The following USP9Y variants were observed in gnomAD, a reference collection of about 807,000 sequenced individuals.
The protein encoded by USP9Y is ubiquitin carboxyl-terminal hydrolase 9Y.
USP9Y carries 41 observed loss-of-function variants against 53.1 expected under a neutral mutation model. The ratio of observed to expected loss-of-function variants is 0.77; its 90% CI spans 0.60 to 1.00. USP9Y has a LOEUF of 1.00. Ranked by LOEUF, USP9Y falls within the 50% of genes least tolerant of loss-of-function variation. The pLI, the probability that USP9Y is intolerant of heterozygous loss-of-function variation, is 0.00. For synonymous variants in USP9Y, 220 were observed against 173.7 expected (o/e 1.27, Z -2.09); for missense variants, 567 against 535.8 (o/e 1.06, Z -0.58).
At position 12,757,206 on chromosome Y, in the gene USP9Y, T is replaced by C; in HGVS notation, c.1437T>C (p.Asn479=). The change falls in exon 13 of 46, where the codon AAT becomes AAC. Residue 479 remains asparagine, a synonymous_variant. Transcript: ENST00000338981. ...ACTTTCTTTAGGCAAGTTGGACAAA[T>C]GCAAGTAAAAAGCAACGTGAAAAGC... ...LFDCFKASWT[N]ASKKQREKLL... The C allele has an allele frequency of 2.3e-5, 9 of 398,763 alleles. No homozygotes were observed. Among genetic ancestry groups the C allele is most frequent in the Non-Finnish European group, 3.2e-5 (9 of 283,441 alleles).
chrY:12,810,872 T>C, intron 29 of USP9Y, 54 bp downstream of exon 29: 4 of 340,761 alleles, frequency 1.2e-5, no homozygotes, highest in Non-Finnish European at 1.7e-5. Context: ...GCTGTCTTAT[T>C]AAAAGGAGGT....
At chrY:12,702,876 A>G (rs2053417282) in intron 1 of USP9Y, among the ~76,000 whole-genome samples, 1 of 33,049 alleles carries the variant, frequency 3.0e-5, no homozygotes, top group Non-Finnish European at 7.4e-5. Flanking sequence ...CTGAATAGGC[A>G]CAGTTTTACT....
chrY:12,740,808 A>G, intron 12 of USP9Y, among the ~76,000 whole-genome samples: 2 of 32,718 alleles, frequency 6.1e-5, no homozygotes, highest in Non-Finnish European at 1.5e-4. Context: ...ATGCACCAAG[A>G]CAGCCATAAT....
At chrY:12,811,491 C>T in intron 29 of USP9Y, 144 bp from the exon 30 acceptor site, 2 of 215,259 alleles carry the variant, frequency 9.3e-6, no homozygotes, top group Non-Finnish European at 1.5e-5. Flanking sequence ...AGAGAGTTCT[C>T]AAAAAGAAAT....
In USP9Y at chrY:12,812,986, G is replaced by A; in HGVS notation, c.4543G>A (p.Val1515Met). 1 of 396,989 alleles carries A rather than the reference G, an allele frequency of 2.5e-6. No individual in the cohort carries two copies. Among genetic ancestry groups the A allele is most frequent in the Non-Finnish European group, 3.5e-6 (1 of 283,208 alleles). The stretch of plus-strand genomic sequence containing the variant: ...ACTTGTAGCATTAGCTATTGGCTGT[G>A]TGAGGAATCTCAAACAGATAGTAGA... ...ELLVALAIGC[V>M]RNLKQIVDCL... Residue 1515 changes from valine to methionine, a missense_variant, in exon 31 of 46, where the codon GTG becomes ATG. Coordinates refer to ENST00000338981, the MANE Select transcript of USP9Y (RefSeq NM_004654.4).
chrY:12,812,072 C>T (rs893489573), intron 30 of USP9Y, among the ~76,000 whole-genome samples: 20 of 33,064 alleles, frequency 6.0e-4, no homozygotes, highest in Admixed American at 1.4e-3. Context: ...CGTTCACCTC[C>T]GCCTCCTAAA....
At chrY:12,853,946 T>C (rs2053573516) in intron 42 of USP9Y, among the ~76,000 whole-genome samples, 1 of 33,085 alleles carries the variant, frequency 3.0e-5, no homozygotes, top group Non-Finnish European at 7.4e-5. Context: ...CCTAGAATTC[T>C]CAATTGTGTT....
At chrY:12,841,201 A>AT in intron 37 of USP9Y, 68 bp downstream of exon 37, 1 of 299,761 alleles carries the variant, frequency 3.3e-6, no homozygotes, top group South Asian at 3.8e-5. Context: ...TTCCTGTTTT[A>AT]TTTTTTCCTA....
chrY:12,727,853 A>G (rs111794897), intron 7 of USP9Y, among the ~76,000 whole-genome samples: 245 of 33,448 alleles, frequency 7.3e-3, no homozygotes, highest in African/African-American at 0.027. Context: ...GATAAATCCT[A>G]TTACTGCTTT....
chrY:12,756,346 A>T, intron 12 of USP9Y, among the ~76,000 whole-genome samples: 1 of 32,666 alleles, frequency 3.1e-5, no homozygotes, highest in Non-Finnish European at 7.5e-5. Flanking sequence ...TTCAATTTGC[A>T]TGTTTCCTGA....
At chrY:12,737,473 T>C in intron 10 of USP9Y, among the ~76,000 whole-genome samples, 1 of 33,348 alleles carries the variant, frequency 3.0e-5, no homozygotes, top group Non-Finnish European at 7.4e-5. Flanking sequence ...GTGGAAAGGA[T>C]TAGAATGTGA....
chrY:12,711,256 A>G (rs758283292), intron 3 of USP9Y, among the ~76,000 whole-genome samples: 1 of 32,880 alleles, frequency 3.0e-5, no homozygotes, highest in East Asian at 8.1e-4. Context: ...TGAGTATGGC[A>G]TCTGTATTAT....
chrY:12,771,121 G>T lies in USP9Y; in HGVS notation c.1954G>T (p.Val652Phe). ...TVRLGSRYSH[V>F]QEVQERLNFL... ...GAGGCTTGGAAGTCGATACAGTCAT[G>T]TTCAAGAAGTTCAAGAACGACTAAA... Residue 652 changes from valine (V) to phenylalanine (F), a missense_variant, in exon 16 of 46, where the codon GTT becomes TTT. By Grantham distance (50) the Val-to-Phe change is conservative (BLOSUM62 -1). Coordinates refer to ENST00000338981, the MANE Select transcript of USP9Y (RefSeq NM_004654.4). The T allele has an allele frequency of 2.5e-6, 1 of 394,091 alleles. No homozygotes were observed. Among genetic ancestry groups the T allele is most frequent in the Non-Finnish European group, 3.6e-6 (1 of 280,059 alleles).
At chrY:12,754,206 CGTGT>C (rs371528539) in intron 12 of USP9Y, among the ~76,000 whole-genome samples, 421 of 25,356 alleles carry the variant, frequency 0.017, no homozygotes, top group Middle Eastern at 0.11. Flanking sequence ...ATACATGTTG[CGTGT>C]GTGTGTGTGT....
chrY:12,786,248 C>T lies in USP9Y; in HGVS notation c.3197C>T (p.Ala1066Val). 1 of 398,519 alleles carries T rather than the reference C, an allele frequency of 2.5e-6. No homozygotes were observed. The highest frequency in any genetic ancestry group is 3.5e-6 in the Non-Finnish European group (1 of 283,319). The change falls in exon 23 of 46, where the codon GCA becomes GTA. Residue 1066 changes from alanine to valine, a missense_variant. By Grantham distance (64) the Ala-to-Val change is moderately conservative. Transcript: ENST00000338981. ...EKLRAVCLDH[A>V]KLGEGKLSPP... Reference sequence around the variant, plus strand: ...TTACGAGCTGTTTGTTTGGACCATGCAAAACTTGGAGAAGGCAAACTTAGT... The same window carrying T: ...TTACGAGCTGTTTGTTTGGACCATGTAAAACTTGGAGAAGGCAAACTTAGT...
intron 11 of USP9Y, among the ~76,000 whole-genome samples, 162 bp from the exon 12 acceptor site, chrY:12,739,363 G>A: frequency 9.0e-5 from 3 of 33,304 alleles, no homozygotes; most frequent in Admixed American, 2.8e-4. Context: ...CAGTTCTAAA[G>A]CATTTCAAAT....
At chrY:12,809,194 T>C in intron 27 of USP9Y, among the ~76,000 whole-genome samples, 1 of 33,334 alleles carries the variant, frequency 3.0e-5, no homozygotes, top group East Asian at 7.7e-4. Flanking sequence ...GCCTGGTTCA[T>C]AACTGGAAGT....
At chrY:12,820,590 G>A (rs2053540598) in intron 33 of USP9Y, among the ~76,000 whole-genome samples, 1 of 33,371 alleles carries the variant, frequency 3.0e-5, no homozygotes, top group African/African-American at 1.2e-4. Flanking sequence ...AACTTCACAC[G>A]TGCCTTGCTC....
intron 7 of USP9Y, among the ~76,000 whole-genome samples, chrY:12,728,561 G>T: frequency 3.1e-5 from 1 of 32,569 alleles, no homozygotes; most frequent in East Asian, 8.2e-4. Context: ...GCCTATTCAG[G>T]TTTTCTATTT....
Sources: allele counts gnomAD v4.1 joint callset (sites outside exome capture counted in the v4.1 genomes callset), GRCh38; gene constraint gnomAD v4.1.1; transcripts MANE v1.5; gene names NCBI Gene and HGNC (gene_info 2026-07-23, HGNC 2026-07-21).